REPS1: variants seen among roughly 807,000 people sequenced by gnomAD.
REPS1 encodes ralBP1-associated Eps domain-containing protein 1.
In REPS1, 39 loss-of-function variants were observed where a neutral mutation model predicts 100.9. The ratio of observed to expected loss-of-function variants is 0.39; its 90% CI spans 0.30 to 0.50. The LOEUF is 0.50. Among genes scored for constraint, REPS1 ranks in the 20% least tolerant of loss-of-function variants. REPS1 has a pLI of 0.86. For synonymous variants in REPS1, 324 were observed against 340.3 expected (o/e 0.95, Z 0.53); for missense variants, 821 against 968.5 (o/e 0.85, Z 2.02).
Position 138,916,097 on chromosome 6 carries a change from C to T in REPS1, c.1602-121G>A. 9.3e-6 allele frequency: 7 copies of T among 755,308 alleles called. No homozygotes were observed. In the South Asian group the frequency reaches 1.0e-4, roughly 11 times the overall value. 46.8% of individuals were successfully genotyped at this position (755,308 alleles called of 1,614,324 possible). Reference sequence around the variant, plus strand: ...ATTAGCATGACATTTTCTCAACACTCAAGTATGTAAGTGTTACAATAAATT... The same window carrying T: ...ATTAGCATGACATTTTCTCAACACTTAAGTATGTAAGTGTTACAATAAATT... On this transcript the variant is annotated intron_variant, in intron 13 of 19. Coordinates refer to ENST00000450536, the MANE Select transcript of REPS1 (RefSeq NM_001286611.2).
chr6:138,945,824 G>A (rs1249544845), intron 2 of REPS1, 127 bp from the exon 3 acceptor site: 12 of 711,320 alleles, frequency 1.7e-5, no homozygotes, highest in Non-Finnish European at 2.4e-5. Context: ...GGCACAAAAT[G>A]TCTATCACCA....
intron 12 of REPS1, among the ~76,000 whole-genome samples, chr6:138,918,276 T>A (rs941773473): frequency 6.6e-6 from 1 of 152,124 alleles, no homozygotes; most frequent in Non-Finnish European, 1.5e-5. Flanking sequence ...TTACATTGTA[T>A]TAAGTATTAT....
intron 1 of REPS1, among the ~76,000 whole-genome samples, chr6:138,968,905 CA>C (rs142703231): frequency 0.078 from 11,799 of 151,994 alleles, 886 homozygotes; most frequent in East Asian, 0.21. Context: ...ATGTGACAAA[CA>C]ACAAAAAAGA....
chr6:138,972,852 C>T (rs1784411302), intron 1 of REPS1, among the ~76,000 whole-genome samples: 1 of 152,036 alleles, frequency 6.6e-6, no homozygotes, highest in African/African-American at 2.4e-5. Flanking sequence ...TCTCAGAGTT[C>T]CATACTGCTG....
At position 138,908,680 on chromosome 6, in the gene REPS1, G is replaced by A; in HGVS notation, c.2204C>T (p.Pro735Leu). The A allele has an allele frequency of 6.2e-7, 1 of 1,614,160 alleles. No homozygotes were observed. The highest frequency in any genetic ancestry group is 8.5e-7 in the Non-Finnish European group (1 of 1,180,012). ...TAGCTTTGATTACCTGGGAATAGAA[G>A]GTTGTGATGCAAGAACAGCAGCTAA... ...GVLAAVLASQPSIPRSVGKDK... is the reference protein window; with the variant it reads ...GVLAAVLASQLSIPRSVGKDK... The change falls in exon 18 of 20, where the codon CCT (proline) becomes CTT (leucine). Residue 735 changes from proline to leucine, a missense_variant. Transcript: ENST00000450536.
chr6:138,917,589 G>T lies in REPS1; in HGVS notation c.1567C>A (p.Pro523Thr), dbSNP rs767747902. The change falls in exon 13 of 20, where the codon CCA (proline) becomes ACA (threonine). Residue 523 changes from proline (P) to threonine (T), a missense_variant. Pro to Thr is a conservative substitution (Grantham distance 38). Around this residue, in one of 3 missense-constraint regions of REPS1, gnomAD observed 757 missense variants for 866.4 expected, o/e 0.87. Coordinates refer to ENST00000450536, the MANE Select transcript of REPS1 (RefSeq NM_001286611.2). ...YSSSDSFTSD[P>T]EQIGSNVTRQ... ...GTTACATTGCTCCCGATCTGTTCTGGGTCAGAAGTAAAAGAGTCTGAACTA... is the reference window on the plus strand; with the variant it reads ...GTTACATTGCTCCCGATCTGTTCTGTGTCAGAAGTAAAAGAGTCTGAACTA... The T allele has an allele frequency of 1.9e-6, 3 of 1,613,472 alleles. No homozygotes were observed. Among genetic ancestry groups the T allele is most frequent in the South Asian group, 2.2e-5 (2 of 91,062 alleles).
At chr6:138,922,534 C>T (rs533777125) in intron 10 of REPS1, among the ~76,000 whole-genome samples, 85 of 152,208 alleles carry the variant, frequency 5.6e-4, no homozygotes, top group African/African-American at 1.9e-3. Context: ...ACAATGGTAG[C>T]CTCTCAGAAA....
At chr6:138,978,590 A>T (rs186061793) in intron 1 of REPS1, among the ~76,000 whole-genome samples, 2,137 of 152,250 alleles carry the variant, frequency 0.014, 27 homozygotes, top group Admixed American at 0.027. Context: ...GATTACAGGC[A>T]TAAGTCACTG....
chr6:138,922,467 G>T (rs1462110419), intron 10 of REPS1, among the ~76,000 whole-genome samples: 1 of 152,266 alleles, frequency 6.6e-6, no homozygotes, highest in South Asian at 2.1e-4. Flanking sequence ...TAAAGGAATT[G>T]ATAATAAAGA....
chr6:138,945,842 T>G (rs1782578098), intron 2 of REPS1, 145 bp from the exon 3 acceptor site: 2 of 614,498 alleles, frequency 3.3e-6, no homozygotes, highest in South Asian at 2.6e-5. Context: ...CCACAAAATT[T>G]GGACCACCAT....
At chr6:138,957,402 A>G (rs548126547) in intron 1 of REPS1, among the ~76,000 whole-genome samples, 19 of 152,342 alleles carry the variant, frequency 1.2e-4, no homozygotes, top group Non-Finnish European at 2.4e-4. Flanking sequence ...GAGAGTTCTA[A>G]GTAAAAAAAT....
At chr6:138,931,070 G>A (rs760508254) in intron 8 of REPS1, among the ~76,000 whole-genome samples, 10 of 152,008 alleles carry the variant, frequency 6.6e-5, no homozygotes, top group Non-Finnish European at 1.3e-4. Flanking sequence ...GTACCTAATC[G>A]GTTTAGAACT....
intron 1 of REPS1, among the ~76,000 whole-genome samples, chr6:138,966,108 T>C (rs939564551): frequency 1.3e-5 from 2 of 152,140 alleles, no homozygotes; most frequent in Non-Finnish European, 2.9e-5. Flanking sequence ...CCAGAGTGTG[T>C]TCTTACCAAC....
intron 1 of REPS1, among the ~76,000 whole-genome samples, chr6:138,984,142 C>T (rs547255013): frequency 1.5e-4 from 22 of 149,384 alleles, no homozygotes; most frequent in Admixed American, 7.3e-4. Context: ...TGCAGTGGCG[C>T]GATCTTGGCT....
intron 1 of REPS1, among the ~76,000 whole-genome samples, chr6:138,983,290 A>G (rs113853262): frequency 0.018 from 2,719 of 152,156 alleles, 34 homozygotes; most frequent in Non-Finnish European, 0.029. Context: ...CGACTCTACT[A>G]AAAATACAAA....
At chr6:138,940,416 T>C (rs1782159985) in intron 8 of REPS1, among the ~76,000 whole-genome samples, 1 of 152,204 alleles carries the variant, frequency 6.6e-6, no homozygotes, top group African/African-American at 2.4e-5. Flanking sequence ...AAGAAAAATT[T>C]ACTAATTTTT....
chr6:138,930,792 A>G (rs146280610), intron 8 of REPS1, among the ~76,000 whole-genome samples: 34 of 152,312 alleles, frequency 2.2e-4, no homozygotes, highest in African/African-American at 7.0e-4. Context: ...AAAAAAGCAA[A>G]GTCAATAAGC....
rs556084357 is a variant in REPS1, at chr6:138,959,393, T to C, written c.154-11480A>G. On this transcript the variant is annotated intron_variant, in intron 1 of 19. Coordinates refer to ENST00000450536, the MANE Select transcript of REPS1 (RefSeq NM_001286611.2). The stretch of plus-strand genomic sequence containing the variant: ...AAACAAAAAAACTCAAAAGACACAA[T>C]GACGAATGCATTGGAACTATACACA... Among the ~76,000 whole-genome samples, 4 of 152,216 alleles carry C rather than the reference T, an allele frequency of 2.6e-5. No homozygotes were observed. The East Asian group carries it at 5.8e-4, about 22-fold the overall frequency.
chr6:138,945,523 G>A lies in REPS1; in HGVS notation c.452C>T (p.Pro151Leu), dbSNP rs1398470491. The change falls in exon 3 of 20, where the codon CCT becomes CTT. Residue 151 changes from proline to leucine, a missense_variant. Physicochemically the swap from Pro to Leu is moderately conservative, Grantham distance 98 (BLOSUM62 -3). This residue lies in a region of REPS1 where 757 missense variants were observed against 866.4 expected (regional missense o/e 0.87). Coordinates refer to ENST00000450536, the MANE Select transcript of REPS1 (RefSeq NM_001286611.2). ...KGSVSHDTVQ[P>L]RTSADAQEPA... Reference sequence around the variant, plus strand: ...TACCTGTGCATCTGCAGATGTACGAGGCTGAACCGTATCATGGCTTACGGA... The same window carrying A: ...TACCTGTGCATCTGCAGATGTACGAAGCTGAACCGTATCATGGCTTACGGA... 1 of 1,609,066 alleles carries A rather than the reference G, an allele frequency of 6.2e-7. No individual in the cohort carries two copies. Among genetic ancestry groups the A allele is most frequent in the Non-Finnish European group, 8.5e-7 (1 of 1,178,086 alleles).
Sources: gnomAD v4.1 joint callset for allele counts (sites outside exome capture counted in the v4.1 genomes callset) on GRCh38, gnomAD v4.1.1 for gene constraint, gnomAD v4.1.1 regional missense constraint, MANE v1.5 for transcripts, NCBI Gene and HGNC (gene_info 2026-07-23, HGNC 2026-07-21) for gene names.